The following PTPRJ variants were observed in gnomAD, a reference collection of about 807,000 sequenced individuals.
The protein encoded by PTPRJ is receptor-type tyrosine-protein phosphatase eta.
Under a neutral mutation model 141.3 loss-of-function variants are expected in PTPRJ, and 129 were observed. That is an observed-to-expected ratio of 0.91 (90% confidence interval 0.79 to 1.06). PTPRJ has a LOEUF of 1.06. PTPRJ is among the 50% of genes least tolerant of loss of function. The pLI is 0.00. For synonymous variants in PTPRJ, 610 were observed against 640.5 expected, an observed-to-expected ratio of 0.95 and a Z score of 0.72; for missense variants, 1,601 against 1,679.7, an observed-to-expected ratio of 0.95 and a Z score of 0.82.
intron 3 of PTPRJ, among the ~76,000 whole-genome samples, chr11:48,116,124 G>T (rs143417583): frequency 2.2e-4 from 33 of 149,258 alleles, no homozygotes; most frequent in Non-Finnish European, 4.1e-4. Flanking sequence ...CATAGAGTGC[G>T]TGAATGGGTT....
intron 3 of PTPRJ, among the ~76,000 whole-genome samples, chr11:48,120,545 C>A (rs1038733676): frequency 1.3e-5 from 2 of 152,116 alleles, no homozygotes; most frequent in Admixed American, 6.5e-5. Flanking sequence ...ACTGCCTCAG[C>A]CTCCCGAGTA....
intron 1 of PTPRJ, among the ~76,000 whole-genome samples, chr11:48,093,715 CTAA>C (rs990373239): frequency 2.0e-5 from 3 of 150,758 alleles, no homozygotes; most frequent in African/African-American, 7.3e-5. Flanking sequence ...TTGAGGCTTA[CTAA>C]TAATGTTAAC....
chr11:48,016,767 G>A (rs1565259121), intron 1 of PTPRJ, among the ~76,000 whole-genome samples: 1 of 152,106 alleles, frequency 6.6e-6, no homozygotes, highest in Non-Finnish European at 1.5e-5. Context: ...TTGTGCTAAT[G>A]ATGGTGGTGA....
chr11:48,110,011 C>T, intron 1 of PTPRJ, 47 bp from the exon 2 acceptor site: 1 of 1,609,872 alleles, frequency 6.2e-7, no homozygotes, highest in Non-Finnish European at 8.5e-7. Flanking sequence ...TTGCATTTTC[C>T]ATGGCTGAAT....
chr11:48,153,179 C>T (rs1857522881), intron 18 of PTPRJ, among the ~76,000 whole-genome samples: 1 of 152,054 alleles, frequency 6.6e-6, no homozygotes, highest in Admixed American at 6.6e-5. Context: ...AAATCCATCT[C>T]GCTGACTGAC....
intron 1 of PTPRJ, among the ~76,000 whole-genome samples, chr11:48,057,959 T>C (rs1398064632): frequency 6.6e-6 from 1 of 151,902 alleles, no homozygotes; most frequent in Non-Finnish European, 1.5e-5. Flanking sequence ...TCACCCAGGC[T>C]GGAGTGCAAT....
At chr11:48,043,731 G>A (rs1027890968) in intron 1 of PTPRJ, among the ~76,000 whole-genome samples, 8 of 152,138 alleles carry the variant, frequency 5.3e-5, no homozygotes, top group Non-Finnish European at 1.2e-4. Flanking sequence ...CTTGAGGAGG[G>A]GTCTGTGGGG....
chr11:48,152,648 T>A (rs537619414), intron 18 of PTPRJ, among the ~76,000 whole-genome samples: 1 of 152,380 alleles, frequency 6.6e-6, no homozygotes, highest in Non-Finnish European at 1.5e-5. Flanking sequence ...TACATATGGC[T>A]AGCCAGTTTT....
chr11:48,161,987 C>T (rs1392563777), intron 22 of PTPRJ, among the ~76,000 whole-genome samples: 2 of 152,094 alleles, frequency 1.3e-5, no homozygotes. Context: ...CTGCTTGGGG[C>T]TTACCTTGTG....
At chr11:48,130,017 C>T (rs1176718494) in intron 7 of PTPRJ, among the ~76,000 whole-genome samples, 1 of 151,356 alleles carries the variant, frequency 6.6e-6, no homozygotes, top group Non-Finnish European at 1.5e-5. Context: ...ACACACAGGG[C>T]TAAAAATCTG....
At chr11:48,015,242 G>A (rs779081156) in intron 1 of PTPRJ, among the ~76,000 whole-genome samples, 5 of 152,044 alleles carry the variant, frequency 3.3e-5, no homozygotes, top group Non-Finnish European at 7.4e-5. Context: ...AATCAGGCCG[G>A]GAAAGAGGTA....
chr11:48,064,601 A>G (rs1458295270), intron 1 of PTPRJ, among the ~76,000 whole-genome samples: 1 of 132,816 alleles, frequency 7.5e-6, no homozygotes, highest in Admixed American at 7.1e-5. Flanking sequence ...CTGCAAATGT[A>G]TTTATTTATT....
At chr11:48,118,595 C>A (rs1419577121) in intron 3 of PTPRJ, among the ~76,000 whole-genome samples, 3 of 152,182 alleles carry the variant, frequency 2.0e-5, no homozygotes, top group African/African-American at 7.2e-5. Context: ...TTAAAGAGAT[C>A]ATTCACCATG....
intron 1 of PTPRJ, among the ~76,000 whole-genome samples, chr11:48,053,591 T>G (rs1337218649): frequency 7.1e-6 from 1 of 141,568 alleles, no homozygotes; most frequent in African/African-American, 2.6e-5. Context: ...ATATATATAT[T>G]TTTGAGAGAC....
intron 5 of PTPRJ, among the ~76,000 whole-genome samples, chr11:48,124,528 C>G (rs1856790810): frequency 6.6e-6 from 1 of 152,196 alleles, no homozygotes; most frequent in Non-Finnish European, 1.5e-5. Flanking sequence ...ACTTAAGGAG[C>G]CCAGCTGCTC....
chr11:48,106,012 C>T (rs1158825790), intron 1 of PTPRJ, among the ~76,000 whole-genome samples: 1 of 152,200 alleles, frequency 6.6e-6, no homozygotes, highest in Admixed American at 6.5e-5. Context: ...TAAAACTCTC[C>T]TCACTCACCC....
At chr11:48,088,067 C>G (rs542972747) in intron 1 of PTPRJ, among the ~76,000 whole-genome samples, 2 of 152,190 alleles carry the variant, frequency 1.3e-5, no homozygotes, top group South Asian at 4.1e-4. Context: ...TGAAACCCCT[C>G]TAGCAGCATT....
rs1284090096 is a variant in PTPRJ at position 47,980,928 on chromosome 11, C to T, written c.16C>T (p.Arg6Trp). 6 of 1,156,760 alleles carry T rather than the reference C, an allele frequency of 5.2e-6. No individual in the cohort carries two copies. Among genetic ancestry groups the T allele is most frequent in the Non-Finnish European group, 6.4e-6 (6 of 941,502 alleles). The allele number at this position is 1,156,760 out of a possible 1,614,324, so 71.7% of individuals were successfully genotyped here. Residue 6 changes from arginine (R) to tryptophan (W), a missense_variant, in exon 1 of 25, where the codon CGG (arginine) becomes TGG (tryptophan). By Grantham distance (101) the Arg-to-Trp change is moderately radical. Coordinates refer to ENST00000418331, the MANE Select transcript of PTPRJ (RefSeq NM_002843.4). MKPAA[R>W]EARLPPRSPG... ...CGCGCGGGGCATGAAGCCGGCGGCG[C>T]GGGAGGCGCGGCTGCCTCCGCGCTC...
In PTPRJ at chr11:48,074,515, C is replaced by T. The variant is rs143445266; in HGVS notation, c.97-35543C>T. ...TCATTTAGGGAGTGGCAAAGACTCT[C>T]TCCCCACCAGTTCTGTGAACTTGGG... On this transcript the variant is annotated intron_variant, in intron 1 of 24. Transcript: ENST00000418331. Among the ~76,000 whole-genome samples the T allele has an allele frequency of 3.3e-4, 51 of 152,372 alleles. 1 individual carries two copies. The highest frequency in any genetic ancestry group is 1.2e-3 in the African/African-American group (50 of 41,592).
Sources: allele counts gnomAD v4.1 joint callset (sites outside exome capture counted in the v4.1 genomes callset), GRCh38; gene constraint gnomAD v4.1.1; transcripts MANE v1.5; gene names NCBI Gene and HGNC (gene_info 2026-07-23, HGNC 2026-07-21).